Variants in PLAUR observed in about 807,000 individuals in gnomAD.
PLAUR encodes urokinase plasminogen activator surface receptor.
Under a neutral mutation model 33.4 loss-of-function variants are expected in PLAUR, and 22 were observed. That is an observed-to-expected ratio of 0.66 (90% CI 0.47 to 0.94). The LOEUF (loss-of-function observed/expected upper bound fraction) is 0.94. Ranked by LOEUF, PLAUR falls within the 40% of genes least tolerant of loss-of-function variation. PLAUR has a pLI of 0.00. For synonymous variants in PLAUR, 148 were observed against 167.3 expected (o/e 0.88, Z 0.89); for missense variants, 408 against 434.7 (o/e 0.94, Z 0.55).
At chr19:43,652,755 AT>A (rs1229767973) in intron 5 of PLAUR, among the ~76,000 whole-genome samples, 1 of 151,996 alleles carries the variant, frequency 6.6e-6, no homozygotes, top group African/African-American at 2.4e-5. Context: ...GGCTCAAGAG[AT>A]TCTTCCACAT....
At chr19:43,669,807 G>GAC (rs1967443232) in intron 1 of PLAUR, among the ~76,000 whole-genome samples, 1 of 56,088 alleles carries the variant, frequency 1.8e-5, no homozygotes, top group Non-Finnish European at 3.1e-5. Flanking sequence ...GTGAGACTCT[G>GAC]TCAAAAAAAA....
At chr19:43,662,459 T>C (rs929067384) in intron 3 of PLAUR, among the ~76,000 whole-genome samples, 2 of 151,946 alleles carry the variant, frequency 1.3e-5, no homozygotes, top group Admixed American at 6.6e-5. Context: ...GATCGCACCA[T>C]TGCACTCCAG....
intron 6 of PLAUR, among the ~76,000 whole-genome samples, chr19:43,650,153 A>C (rs553436155): frequency 2.9e-4 from 44 of 151,836 alleles, no homozygotes; most frequent in Non-Finnish European, 5.9e-5. Context: ...CTGGGACTAC[A>C]GGCGCGACCA....
intron 3 of PLAUR, 76 bp downstream of exon 3, chr19:43,665,237 TAAG>T: frequency 6.8e-7 from 1 of 1,469,196 alleles, no homozygotes; most frequent in Non-Finnish European, 9.5e-7. Context: ...GATGTAAAGT[TAAG>T]AATAGGATTG....
At chr19:43,649,970 G>GC (rs1973925062) in intron 6 of PLAUR, among the ~76,000 whole-genome samples, 2 of 150,814 alleles carry the variant, frequency 1.3e-5, no homozygotes, top group African/African-American at 4.9e-5. Context: ...TTAAAGAGAT[G>GC]TGCAACACAG....
At chr19:43,650,510 G>A (rs1366072193) in intron 6 of PLAUR, among the ~76,000 whole-genome samples, 1 of 151,492 alleles carries the variant, frequency 6.6e-6, no homozygotes, top group African/African-American at 2.4e-5. Context: ...ATTTTCTGTA[G>A]AGACAGGATC....
At chr19:43,648,492 CCT>C (rs1211272111), downstream of PLAUR, 3 of 810,144 alleles carry the variant, frequency 3.7e-6, no homozygotes, top group Non-Finnish European at 4.5e-6. Context: ...AAACATGACC[CCT>C]GATTCCAGGA....
intron 1 of PLAUR, chr19:43,668,227 A>C: frequency 2.0e-6 from 2 of 986,926 alleles, no homozygotes; most frequent in East Asian, 1.1e-4. Flanking sequence ...TTTATTCCCA[A>C]ATTCTAGGCC....
chr19:43,665,759 C>T (rs1469290033), intron 2 of PLAUR, among the ~76,000 whole-genome samples: 2 of 148,502 alleles, frequency 1.3e-5, no homozygotes, highest in African/African-American at 5.0e-5. Flanking sequence ...CTTGACCTCC[C>T]AGGCTCAAGC....
Position 43,655,555 on chromosome 19 carries a change from C to T in PLAUR, c.491G>A (p.Arg164His), listed in dbSNP as rs764990049. The change falls in exon 5 of 7, where the codon CGC (arginine) becomes CAC (histidine). Residue 164 changes from arginine (R) to histidine (H), a missense_variant. Transcript: ENST00000340093. ...EGEEGRPKDD[R>H]HLRGCGYLPG... ...AAGGTAGCCACAGCCACGGAGGTGG[C>T]GGTCATCCTTTGGACGCCCTATGGG... 2.0e-5 allele frequency: 32 copies of T among 1,614,032 alleles called. No individual in the cohort carries two copies. Among genetic ancestry groups the T allele is most frequent in the South Asian group, 2.2e-5 (2 of 91,074 alleles).
At chr19:43,647,653 A>T (rs894500215), downstream of PLAUR, among the ~76,000 whole-genome samples, 2 of 152,048 alleles carry the variant, frequency 1.3e-5, no homozygotes, top group Non-Finnish European at 2.9e-5. Flanking sequence ...CTAAAAATAC[A>T]AAATTAGCCG....
In PLAUR at chr19:43,668,879, T is replaced by C. The variant is rs1184403448; in HGVS notation, c.55+1187A>G. Reference sequence around the variant, plus strand: ...CTTCCTCGGTCTGTAACCTCTCCCGTAGCTCTTCCTTGAGGTTCCAGCCCC... The same window carrying C: ...CTTCCTCGGTCTGTAACCTCTCCCGCAGCTCTTCCTTGAGGTTCCAGCCCC... On this transcript the variant is annotated intron_variant, in intron 1 of 6. Transcript: ENST00000340093. 2.0e-5 allele frequency among the ~76,000 whole-genome samples: 3 copies of C among 150,548 alleles called. No homozygotes were observed. In the East Asian group the frequency reaches 5.9e-4, roughly 30 times the overall value.
chr19:43,655,711 C>T, intron 4 of PLAUR, 138 bp from the exon 5 acceptor site: 1 of 762,210 alleles, frequency 1.3e-6, no homozygotes, highest in Non-Finnish European at 2.1e-6. Context: ...CTAGAACAGT[C>T]ATAGATCTTG....
chr19:43,663,686 C>T (rs1343326199), intron 3 of PLAUR, among the ~76,000 whole-genome samples: 2 of 151,630 alleles, frequency 1.3e-5, no homozygotes, highest in African/African-American at 4.8e-5. Context: ...GAGGCTGAGG[C>T]AGAAGAATCG....
chr19:43,667,124 A>G (rs984502641), intron 2 of PLAUR: 3 of 166,246 alleles, frequency 1.8e-5, no homozygotes, highest in Admixed American at 1.2e-4. Flanking sequence ...ACCTCAAGCA[A>G]TTCATCCGCC....
intron 1 of PLAUR, chr19:43,668,205 C>A (rs1204863745): frequency 1.0e-6 from 1 of 987,262 alleles, no homozygotes; most frequent in African/African-American, 1.7e-5. Context: ...AGAGCCTCTC[C>A]CGGCCCACTA....
intron 2 of PLAUR, 98 bp downstream of exon 2, chr19:43,667,483 T>C: frequency 1.2e-6 from 1 of 817,436 alleles, no homozygotes. Context: ...GTTTGTTTGT[T>C]TTTAGTTTGC....
intron 5 of PLAUR, among the ~76,000 whole-genome samples, chr19:43,654,738 A>G (rs1974133271): frequency 6.6e-6 from 1 of 151,828 alleles, no homozygotes; most frequent in Non-Finnish European, 1.5e-5. Context: ...TGTCCCCCCC[A>G]TACCCCCCAA....
chr19:43,664,041 C>T (rs991388243), intron 3 of PLAUR, among the ~76,000 whole-genome samples: 12 of 152,004 alleles, frequency 7.9e-5, no homozygotes, highest in Non-Finnish European at 1.8e-4. Flanking sequence ...CCAGCACTGA[C>T]CAATATTGTT....
Sources: gnomAD v4.1 joint callset for allele counts (sites outside exome capture counted in the v4.1 genomes callset) on GRCh38, gnomAD v4.1.1 for gene constraint, MANE v1.5 for transcripts, NCBI Gene and HGNC (gene_info 2026-07-23, HGNC 2026-07-21) for gene names.